The following XRCC1 variants were observed in gnomAD, a reference collection of about 807,000 sequenced individuals.
XRCC1 encodes the protein DNA repair protein XRCC1.
In XRCC1, 52 loss-of-function variants were observed where a neutral mutation model predicts 83.3. The observed-to-expected ratio is 0.62, with a 90% CI of 0.50 to 0.79. XRCC1 has a LOEUF of 0.79. Ranked by LOEUF, XRCC1 falls within the 30% of genes least tolerant of loss-of-function variation. The pLI, the probability that XRCC1 is intolerant of heterozygous loss-of-function variation, is 0.00. For missense variants in XRCC1, 793 were observed against 823.5 expected (o/e 0.96, Z 0.45); for synonymous variants, 281 against 312.6 (o/e 0.90, Z 1.07).
chr19:43,545,538 G>C (rs987769294), intron 14 of XRCC1, among the ~76,000 whole-genome samples: 1 of 152,120 alleles, frequency 6.6e-6, no homozygotes, highest in African/African-American at 2.4e-5. Flanking sequence ...CCTCACCCCT[G>C]ACGTGAAAAA....
chr19:43,564,819 A>G (rs1469964321), intron 2 of XRCC1, among the ~76,000 whole-genome samples: 2 of 152,172 alleles, frequency 1.3e-5, no homozygotes, highest in East Asian at 3.9e-4. Flanking sequence ...CACAAATTTA[A>G]TATCTTACAG....
intron 3 of XRCC1, among the ~76,000 whole-genome samples, chr19:43,559,172 C>T (rs1398211216): frequency 3.4e-5 from 5 of 148,994 alleles, no homozygotes; most frequent in Non-Finnish European, 5.9e-5. Context: ...TAAGCATTGT[C>T]AACAAACATA....
Position 43,552,258 on chromosome 19 carries a change from T to A in XRCC1, c.841A>T (p.Thr281Ser). ...GCAGGGACTGGGGCTGTGGCTGGGG[T>A]ACGAGTTGGAGCTGGCACTGGAGAA... ...KRPKLPAPTRTPATAPVPARA... is the reference protein window; with the variant it reads ...KRPKLPAPTRSPATAPVPARA... Residue 281 changes from threonine to serine, a missense_variant, in exon 9 of 17, where the codon ACC becomes TCC. Coordinates refer to ENST00000262887, the MANE Select transcript of XRCC1 (RefSeq NM_006297.3). 6.2e-7 allele frequency: 1 copy of A among 1,608,028 alleles called. No individual in the cohort carries two copies. The highest frequency in any genetic ancestry group is 8.5e-7 in the Non-Finnish European group (1 of 1,177,954).
At chr19:43,551,503 A>C in intron 10 of XRCC1, 68 bp downstream of exon 10, 1 of 1,388,122 alleles carries the variant, frequency 7.2e-7, no homozygotes, top group Non-Finnish European at 1.0e-6. Context: ...CCCCAGTCTG[A>C]CTCCCCTCCA....
At chr19:43,551,868 C>T in intron 9 of XRCC1, 149 bp downstream of exon 9, 2 of 1,086,960 alleles carry the variant, frequency 1.8e-6, no homozygotes, top group East Asian at 4.7e-5. Context: ...AGAGAGAAGA[C>T]AAAGGCTACA....
intron 10 of XRCC1, among the ~76,000 whole-genome samples, chr19:43,547,484 G>C (rs1318820392): frequency 7.8e-6 from 1 of 127,844 alleles, no homozygotes; most frequent in Non-Finnish European, 1.7e-5. Flanking sequence ...ACTCCTGGCC[G>C]CTTTTTTTTT....
rs773443050 is a variant in XRCC1, at chr19:43,560,892, T to C, written c.255+18A>G. The C allele has an allele frequency of 7.5e-6, 12 of 1,597,570 alleles. No homozygotes were observed. Among genetic ancestry groups the C allele is most frequent in the Non-Finnish European group, 1.0e-5 (12 of 1,165,188 alleles). The stretch of plus-strand genomic sequence containing the variant: ...GGGGCAGAGGTCAGTATGGGATCCA[T>C]CTCATAGCCCTGCTTACCTCATAGT... On this transcript the variant is annotated intron_variant, in intron 3 of 16. Coordinates refer to ENST00000262887, the MANE Select transcript of XRCC1 (RefSeq NM_006297.3).
At position 43,575,472 on chromosome 19, in the gene XRCC1, G is replaced by A. The variant is rs762124241; in HGVS notation, c.-14C>T. The A allele has an allele frequency of 3.1e-6, 5 of 1,611,974 alleles. No individual in the cohort carries two copies. Among genetic ancestry groups the A allele is most frequent in the Non-Finnish European group, 4.2e-6 (5 of 1,178,588 alleles). On this transcript the variant is annotated 5_prime_UTR_variant, in exon 1 of 17. Transcript: ENST00000262887. ...GATCTCCGGCATGTCAACGTCGTGGGCTTCGCCTGGCCAGAAGGATGAGGT... is the reference window on the plus strand; with the variant it reads ...GATCTCCGGCATGTCAACGTCGTGGACTTCGCCTGGCCAGAAGGATGAGGT...
rs1359547687 is a variant in XRCC1, at chr19:43,553,111, A to G, written c.602-20T>C. On this transcript the variant is annotated intron_variant, in intron 6 of 16. Coordinates refer to ENST00000262887, the MANE Select transcript of XRCC1 (RefSeq NM_006297.3). ...CTGTGACTATGAAGGGAGAAAGTGG[A>G]TCCAGGATGAGAGGGCTGAGCCCCA... 2 of 1,553,456 alleles carry G rather than the reference A, an allele frequency of 1.3e-6. No individual in the cohort carries two copies. The highest frequency in any genetic ancestry group is 1.9e-5 in the Admixed American group (1 of 51,394).
intron 2 of XRCC1, among the ~76,000 whole-genome samples, chr19:43,568,163 G>A (rs538325308): frequency 6.6e-5 from 10 of 151,454 alleles, no homozygotes; most frequent in East Asian, 6.0e-4. Flanking sequence ...GTGAGCCACC[G>A]CGCCCGGCCA....
intron 8 of XRCC1, among the ~76,000 whole-genome samples, 177 bp from the exon 9 acceptor site, chr19:43,552,452 G>C (rs1399409717): frequency 9.7e-6 from 1 of 103,246 alleles, no homozygotes; most frequent in African/African-American, 3.8e-5. Context: ...TCCTCCCTCA[G>C]ACCCAGGAGT....
intron 2 of XRCC1, among the ~76,000 whole-genome samples, chr19:43,571,442 C>T (rs1486157789): frequency 6.6e-6 from 1 of 152,244 alleles, no homozygotes; most frequent in African/African-American, 2.4e-5. Context: ...CATCATCCAA[C>T]ATATGTTTCA....
In XRCC1 at chr19:43,554,757, A is replaced by G; in HGVS notation, c.303T>C (p.Ser101=). The G allele has an allele frequency of 1.2e-6, 2 of 1,613,862 alleles. No homozygotes were observed. The change falls in exon 4 of 17, where the codon AGT becomes AGC. Residue 101 remains serine, a synonymous_variant. Transcript: ENST00000262887. The stretch of plus-strand genomic sequence containing the variant: ...TGCGAACGCGGTTGGGGTTTGAGCC[A>G]CTGCGGCTCTCGGAAGGGGACATGA... ...SSFMSPSESR[S]GSNPNRVRMF...
At chr19:43,555,089 A>G (rs972121151) in intron 3 of XRCC1, 1 of 273,012 alleles carries the variant, frequency 3.7e-6, no homozygotes, top group Non-Finnish European at 6.8e-6. Context: ...TACATGTCCT[A>G]AGGAACTTTC....
intron 2 of XRCC1, among the ~76,000 whole-genome samples, chr19:43,569,430 G>A (rs1972785984): frequency 6.7e-6 from 1 of 150,300 alleles, no homozygotes; most frequent in South Asian, 2.1e-4. Flanking sequence ...GAGCTGAGAT[G>A]GTGCCACTGC....
chr19:43,570,763 C>T (rs561637053), intron 2 of XRCC1, among the ~76,000 whole-genome samples: 4 of 152,174 alleles, frequency 2.6e-5, no homozygotes, highest in Non-Finnish European at 4.4e-5. Flanking sequence ...CCAACCTGGG[C>T]AAGAGAGTGA....
In XRCC1 at chr19:43,543,341, CGT is replaced by C. The variant is rs45592142; in HGVS notation, c.*49_*50del. The C allele has an allele frequency of 0.15, 150,059 of 1,020,224 alleles. 1,235 individuals carry two copies. Among genetic ancestry groups the C allele is most frequent in the East Asian group, 0.29 (11,495 of 39,626 alleles). 63.2% of individuals were successfully genotyped at this position (1,020,224 alleles called of 1,614,324 possible). A position where few individuals can be genotyped will look rare whatever the true frequency, so the allele number is the denominator to read the frequency against. On this transcript the variant is annotated 3_prime_UTR_variant, in exon 17 of 17. Transcript: ENST00000262887. Reference sequence around the variant, plus strand: ...ACCAACTCATCTTTATTAAATGCATCGTGTGTGTGTGTGTGTGTGTGTGTGTG... The same window carrying C: ...ACCAACTCATCTTTATTAAATGCATCGTGTGTGTGTGTGTGTGTGTGTGTG...
chr19:43,565,700 T>C (rs1423111849), intron 2 of XRCC1, among the ~76,000 whole-genome samples: 1 of 151,924 alleles, frequency 6.6e-6, no homozygotes. Context: ...CCGTGGGAGG[T>C]GGAGGCGGGA....
intron 9 of XRCC1, 80 bp from the exon 10 acceptor site, chr19:43,551,767 A>C: frequency 1.8e-6 from 2 of 1,136,488 alleles, no homozygotes; most frequent in Non-Finnish European, 2.7e-6. Context: ...AGACAGACAG[A>C]GAGAGAGAGA....
Sources: gnomAD v4.1 joint callset for allele counts (sites outside exome capture counted in the v4.1 genomes callset) on GRCh38, gnomAD v4.1.1 for gene constraint, MANE v1.5 for transcripts, NCBI Gene and HGNC (gene_info 2026-07-23, HGNC 2026-07-21) for gene names.